The following KCNH1 variants were observed in gnomAD, a reference collection of about 807,000 sequenced individuals.
The protein encoded by KCNH1 is voltage-gated delayed rectifier potassium channel KCNH1.
A neutral mutation model predicts 69.2 loss-of-function variants in KCNH1; 27 were observed. The observed-to-expected ratio is 0.39, with a 90% CI of 0.29 to 0.54. The LOEUF is 0.54. Among genes scored for constraint, KCNH1 ranks in the 20% least tolerant of loss-of-function variants. The probability of loss-of-function intolerance (pLI) is 0.68; values close to 1 mark genes in which losing one functional copy is unlikely to be tolerated. For synonymous variants in KCNH1, 456 were observed against 487.7 expected (o/e 0.93, Z 0.86); for missense variants, 798 against 1,261.6 (o/e 0.63, Z 5.57).
At chr1:210,952,802 A>G (rs1393030) in intron 6 of KCNH1, among the ~76,000 whole-genome samples, 109,748 of 152,100 alleles carry the variant, frequency 0.72, 40,383 homozygotes, top group African/African-American at 0.86. Context: ...TGTAAACTTC[A>G]CAACCCTTGG....
chr1:210,861,475 T>C (rs888277168), intron 7 of KCNH1: 1 of 775,154 alleles, frequency 1.3e-6, no homozygotes, highest in South Asian at 1.3e-5. Context: ...AAAGTCTTGC[T>C]AAAATATGTA....
At chr1:210,772,842 G>C (rs1004106922) in intron 10 of KCNH1, among the ~76,000 whole-genome samples, 10 of 152,030 alleles carry the variant, frequency 6.6e-5, no homozygotes, top group Non-Finnish European at 1.0e-4. Flanking sequence ...TCTGTACCCT[G>C]TGGCTATAAA....
chr1:211,116,074 T>C (rs892689729), intron 1 of KCNH1, among the ~76,000 whole-genome samples: 3 of 152,108 alleles, frequency 2.0e-5, no homozygotes, highest in African/African-American at 7.2e-5. Flanking sequence ...AGGTCAAGGC[T>C]GCAGTGAGCT....
intron 10 of KCNH1, among the ~76,000 whole-genome samples, chr1:210,714,336 G>C (rs756908554): frequency 6.6e-6 from 1 of 152,150 alleles, no homozygotes; most frequent in Non-Finnish European, 1.5e-5. Context: ...TAGACAAAAG[G>C]GTTTATAATG....
In KCNH1 at chr1:210,803,970, C is replaced by A. The variant is rs748179601; in HGVS notation, c.1659G>T (p.Glu553Asp). Residue 553 changes from glutamate to aspartate, a missense_variant, in exon 8 of 11, where the codon GAG (glutamate) becomes GAT (aspartate). Glu to Asp is a conservative substitution (Grantham distance 45). Coordinates refer to ENST00000271751, the MANE Select transcript of KCNH1 (RefSeq NM_172362.3). Reference protein sequence around the residue: ...TWSMSRGIDTEKVLQICPKDM... With the variant: ...TWSMSRGIDTDKVLQICPKDM... ...CTGAGCTCCTCATCCTCCTTACCTT[C>A]TCTGTGTCAATGCCTCTGGACATGG... The A allele has an allele frequency of 1.2e-6, 2 of 1,613,814 alleles. No individual in the cohort carries two copies. Among genetic ancestry groups the A allele is most frequent in the Non-Finnish European group, 1.7e-6 (2 of 1,179,788 alleles).
chr1:211,051,825 A>G (rs533412803), intron 5 of KCNH1, among the ~76,000 whole-genome samples: 28 of 152,344 alleles, frequency 1.8e-4, no homozygotes, highest in African/African-American at 6.5e-4. Flanking sequence ...TACTTATTTC[A>G]TAAGAATGAG....
At chr1:210,944,162 T>C (rs914379574) in intron 6 of KCNH1, among the ~76,000 whole-genome samples, 2 of 152,220 alleles carry the variant, frequency 1.3e-5, no homozygotes, top group African/African-American at 4.8e-5. Flanking sequence ...ACCTGGATCA[T>C]AGAACTATTA....
intron 5 of KCNH1, among the ~76,000 whole-genome samples, chr1:211,071,014 A>G (rs1242213799): frequency 2.0e-5 from 3 of 152,192 alleles, no homozygotes; most frequent in Non-Finnish European, 4.4e-5. Context: ...CAATAATATA[A>G]AGTCAATTAA....
chr1:210,951,238 G>A (rs1321266505), intron 6 of KCNH1, among the ~76,000 whole-genome samples: 1 of 152,210 alleles, frequency 6.6e-6, no homozygotes, highest in African/African-American at 2.4e-5. Context: ...CAGGTGTGCT[G>A]TGCGAAGAGT....
At chr1:211,039,724 T>C (rs1027852864) in intron 5 of KCNH1, among the ~76,000 whole-genome samples, 27 of 152,154 alleles carry the variant, frequency 1.8e-4, no homozygotes, top group African/African-American at 6.3e-4. Flanking sequence ...CCCCTTTGAT[T>C]TGGCCAATTT....
chr1:210,930,650 A>G (rs1326546073), intron 6 of KCNH1, among the ~76,000 whole-genome samples: 1 of 152,224 alleles, frequency 6.6e-6, no homozygotes, highest in Admixed American at 6.5e-5. Flanking sequence ...CCAAGAACCC[A>G]AAAGCAAATG....
At position 210,680,798 on chromosome 1, in the gene KCNH1, G is replaced by C. The variant is rs1478370661; in HGVS notation, c.*2483C>G. The C allele has an allele frequency of 1.3e-5, 2 of 152,252 alleles. No individual in the cohort carries two copies. The highest frequency in any genetic ancestry group is 4.8e-5 in the African/African-American group (2 of 41,438). 9.4% of individuals were successfully genotyped at this position (152,252 alleles called of 1,614,324 possible). A position where few individuals can be genotyped will look rare whatever the true frequency, so the allele number is the denominator to read the frequency against. On this transcript the variant is annotated 3_prime_UTR_variant, in exon 11 of 11. Transcript: ENST00000271751. Reference sequence around the variant, plus strand: ...AGATGAACAGATTCCTGCCGCAGGAGCTGGCTTCCAGTCATGAGCCCAGTT... The same window carrying C: ...AGATGAACAGATTCCTGCCGCAGGACCTGGCTTCCAGTCATGAGCCCAGTT...
At chr1:210,864,981 A>C (rs1162826699) in intron 7 of KCNH1, among the ~76,000 whole-genome samples, 1 of 152,206 alleles carries the variant, frequency 6.6e-6, no homozygotes, top group Non-Finnish European at 1.5e-5. Context: ...GCTGGGTTCT[A>C]AGAGCAGGTG....
chr1:210,732,997 C>T (rs1037656555), intron 10 of KCNH1, among the ~76,000 whole-genome samples: 8 of 152,164 alleles, frequency 5.3e-5, no homozygotes, highest in African/African-American at 1.2e-4. Context: ...CACAGCAGCT[C>T]TCCGAGGTGA....
intron 7 of KCNH1, among the ~76,000 whole-genome samples, chr1:210,888,217 C>T (rs1340689749): frequency 6.6e-6 from 1 of 152,132 alleles, no homozygotes; most frequent in East Asian, 1.9e-4. Context: ...TCTGTCAGAC[C>T]ACAGTGCAAT....
intron 8 of KCNH1, among the ~76,000 whole-genome samples, chr1:210,798,096 G>A (rs1158706387): frequency 1.3e-5 from 2 of 149,290 alleles, no homozygotes; most frequent in Non-Finnish European, 3.0e-5. Context: ...CTGGAGTGCA[G>A]TGGCATGATC....
rs72759503 is a variant in KCNH1, at chr1:211,003,511, C to A, written c.1032+15272G>T. On this transcript the variant is annotated intron_variant, in intron 6 of 10. Transcript: ENST00000271751. ...TGATCCAGGCTTCTGCTGTTACTAGCTCCCAAGTCTGCACTATCCCCTGCT... is the reference window on the plus strand; with the variant it reads ...TGATCCAGGCTTCTGCTGTTACTAGATCCCAAGTCTGCACTATCCCCTGCT... 4.8e-3 allele frequency among the ~76,000 whole-genome samples: 735 copies of A among 152,268 alleles called. 3 individuals carry two copies. Among genetic ancestry groups the A allele is most frequent in the Non-Finnish European group, 8.1e-3 (551 of 68,020 alleles).
chr1:210,827,668 C>G (rs1044954543), intron 7 of KCNH1, among the ~76,000 whole-genome samples: 1 of 152,184 alleles, frequency 6.6e-6, no homozygotes, highest in African/African-American at 2.4e-5. Flanking sequence ...GGACATATTA[C>G]ATCATCTCCT....
rs1268588991 is a variant in KCNH1 at position 211,036,755 on chromosome 1, G to A, written c.559-17499C>T. On this transcript the variant is annotated intron_variant, in intron 5 of 10. Transcript: ENST00000271751. The stretch of plus-strand genomic sequence containing the variant: ...CCTCACCTCTTTTCTGCCCTTGTCA[G>A]TATGAGCATGTGCTTCTATTGTCTT... Among the ~76,000 whole-genome samples, 4 of 152,142 alleles carry A rather than the reference G, an allele frequency of 2.6e-5. No individual in the cohort carries two copies. In the East Asian group the frequency reaches 7.7e-4, roughly 29 times the overall value.
Sources: gnomAD v4.1 joint callset for allele counts (sites outside exome capture counted in the v4.1 genomes callset) on GRCh38, gnomAD v4.1.1 for gene constraint, MANE v1.5 for transcripts, NCBI Gene and HGNC (gene_info 2026-07-23, HGNC 2026-07-21) for gene names.